Variants in ETFBKMT observed in about 807,000 individuals in gnomAD.
The protein encoded by ETFBKMT is electron transfer flavoprotein beta subunit lysine methyltransferase.
ETFBKMT carries 13 observed loss-of-function variants against 18.3 expected under a neutral mutation model. That is an observed-to-expected ratio of 0.71 (90% confidence interval 0.46 to 1.13). The LOEUF (loss-of-function observed/expected upper bound fraction) is 1.13. Ranked by LOEUF, ETFBKMT falls within the 50% of genes most tolerant of loss-of-function variation. The pLI is 0.00. For missense variants in ETFBKMT, 293 were observed against 306.2 expected, an observed-to-expected ratio of 0.96 and a Z score of 0.32; for synonymous variants, 84 against 107.9, an observed-to-expected ratio of 0.78 and a Z score of 1.37.
At chr12:31,656,591 C>A (rs1032062436), upstream of ETFBKMT, among the ~76,000 whole-genome samples, 7 of 152,154 alleles carry the variant, frequency 4.6e-5, no homozygotes, top group Non-Finnish European at 7.4e-5. Context: ...AACCATCTTG[C>A]CCTTAGATTG....
upstream of ETFBKMT, among the ~76,000 whole-genome samples, chr12:31,657,915 A>ATTT (rs1951076212): frequency 6.6e-6 from 1 of 152,162 alleles, no homozygotes; most frequent in Admixed American, 6.5e-5. Flanking sequence ...GGATAGAAAG[A>ATTT]ACTGGACCAG....
upstream of ETFBKMT, among the ~76,000 whole-genome samples, chr12:31,655,999 T>A (rs1303618369): frequency 6.6e-6 from 1 of 152,226 alleles, no homozygotes; most frequent in Non-Finnish European, 1.5e-5. Flanking sequence ...TAAAAGTAAA[T>A]TTTTTAAATG....
rs369302814 is a variant in ETFBKMT, at chr12:31,649,219, ATGC to A, written c.-114+1967_-114+1969del. The stretch of plus-strand genomic sequence containing the variant: ...AATGACAAGAAAAAAAAGTCTATAC[ATGC>A]TGTTCAGTACAGATACAAATTTTTT... On this transcript the variant is annotated intron_variant, in intron 1 of 3. Coordinates refer to the ETFBKMT transcript ENST00000412352. Among the ~76,000 whole-genome samples, 102 of 152,360 alleles carry A rather than the reference ATGC, an allele frequency of 6.7e-4. 3 individuals carry two copies. In the East Asian group the frequency reaches 0.012, roughly 18 times the overall value.
At chr12:31,665,956 A>G (rs1951188695) in intron 2 of ETFBKMT, 131 bp from the exon 3 acceptor site, 1 of 680,030 alleles carries the variant, frequency 1.5e-6, no homozygotes, top group Non-Finnish European at 2.4e-6. Context: ...CATCATGAAC[A>G]TGTCACAGTG....
rs1236090048 is a variant in ETFBKMT, at chr12:31,662,255, A to C, written c.302A>C (p.Gln101Pro). Residue 101 changes from glutamine (Q) to proline (P), a missense_variant, in exon 2 of 4, where the codon CAA (glutamine) becomes CCA (proline). Gln to Pro is a moderately conservative substitution (Grantham distance 76). Coordinates refer to ENST00000357721, the MANE Select transcript of ETFBKMT (RefSeq NM_001135863.2). ...TGGGCAATCTACTGGCCAGGAGGCC[A>C]AGCCCTGTCTAGGTACTACCCTAAT... ...PYWAIYWPGG[Q>P]ALSRYLLDNP... is the part of the protein sequence containing the mutation. 4 of 1,614,086 alleles carry C rather than the reference A, an allele frequency of 2.5e-6. No homozygotes were observed. The East Asian group carries it at 8.9e-5, about 36-fold the overall frequency.
intron 1 of ETFBKMT, among the ~76,000 whole-genome samples, chr12:31,648,928 C>T (rs1196145194): frequency 6.6e-6 from 1 of 151,676 alleles, no homozygotes; most frequent in African/African-American, 2.4e-5. Context: ...CCGCCTGCCT[C>T]AGCCTCCCAA....
chr12:31,667,615 C>A (rs751556734), intron 3 of ETFBKMT, 32 bp from the exon 4 acceptor site: 6 of 1,416,804 alleles, frequency 4.2e-6, no homozygotes, highest in Non-Finnish European at 5.9e-6. Flanking sequence ...CTAGCATATA[C>A]CAATTCATTT....
rs1488670889 is a variant in ETFBKMT at position 31,670,266 on chromosome 12, A to G, written c.*2276A>G. On this transcript the variant is annotated 3_prime_UTR_variant, in exon 4 of 4. Coordinates refer to ENST00000357721, the MANE Select transcript of ETFBKMT (RefSeq NM_001135863.2). ...AACAGGCTTCTGCTCCCTGTAAGCT[A>G]TGGTTCTTTGTATTTGCGTTTCTAA... 1 of 152,142 alleles carries G rather than the reference A, an allele frequency of 6.6e-6. No homozygotes were observed. The highest frequency in any genetic ancestry group is 1.5e-5 in the Non-Finnish European group (1 of 68,038). The allele number at this position is 152,142 out of a possible 1,614,324, so 9.4% of individuals were successfully genotyped here.
At chr12:31,654,627 G>A (rs548993412), upstream of ETFBKMT, among the ~76,000 whole-genome samples, 2 of 152,208 alleles carry the variant, frequency 1.3e-5, no homozygotes, top group Admixed American at 6.5e-5. Context: ...AGGAAACATG[G>A]ATGAATAAAA....
chr12:31,666,148 T>C lies in ETFBKMT; in HGVS notation c.376T>C (p.Cys126Arg), dbSNP rs1263223602. 1.9e-6 allele frequency: 3 copies of C among 1,613,898 alleles called. No homozygotes were observed. The highest frequency in any genetic ancestry group is 2.5e-6 in the Non-Finnish European group (3 of 1,179,902). ...GKSVLDLGSG[C>R]GATAIAAKMS... ...ATCTGTATTAGATCTTGGGAGTGGA[T>C]GTGGAGCTACAGCTATTGCTGCTAA... is the stretch of plus-strand genomic sequence containing the variant. The change falls in exon 3 of 4, where the codon TGT (cysteine) becomes CGT (arginine). Residue 126 changes from cysteine to arginine, a missense_variant. Transcript: ENST00000357721.
intron 1 of ETFBKMT, among the ~76,000 whole-genome samples, chr12:31,652,417 CT>C (rs1244820110): frequency 5.3e-5 from 8 of 152,166 alleles, no homozygotes; most frequent in African/African-American, 1.9e-4. Context: ...TTTACTGCCC[CT>C]AGTCCAAATC....
rs1951240581 is a variant in ETFBKMT, at chr12:31,669,607, TA to T, written c.*1618del. 1 of 152,244 alleles carries T rather than the reference TA, an allele frequency of 6.6e-6. No individual in the cohort carries two copies. Among genetic ancestry groups the T allele is most frequent in the East Asian group, 1.9e-4 (1 of 5,202 alleles). The allele number at this position is 152,244 out of a possible 1,614,324, so 9.4% of individuals were successfully genotyped here. Reference sequence around the variant, plus strand: ...TCTGATCCTCACCCTGAGAACCTGGTAGGTATCCTGGAGGTAAAACTATGAA... The same window carrying T: ...TCTGATCCTCACCCTGAGAACCTGGTGGTATCCTGGAGGTAAAACTATGAA... On this transcript the variant is annotated 3_prime_UTR_variant, in exon 4 of 4. Coordinates refer to ENST00000357721, the MANE Select transcript of ETFBKMT (RefSeq NM_001135863.2).
At chr12:31,652,652 A>T (rs1951027504) in intron 1 of ETFBKMT, among the ~76,000 whole-genome samples, 1 of 152,144 alleles carries the variant, frequency 6.6e-6, no homozygotes, top group Non-Finnish European at 1.5e-5. Context: ...GTAGAGGAGA[A>T]TTTATCCTCC....
At chr12:31,663,653 GCAAA>G (rs1281133402) in intron 2 of ETFBKMT, among the ~76,000 whole-genome samples, 5 of 152,252 alleles carry the variant, frequency 3.3e-5, no homozygotes, top group African/African-American at 9.6e-5. Flanking sequence ...TAGCAAGGCA[GCAAA>G]CAGTTTGTTA....
At chr12:31,659,348 T>A (rs542122987), upstream of ETFBKMT, 1 of 152,354 alleles carries the variant, frequency 6.6e-6, no homozygotes, top group South Asian at 2.1e-4. Flanking sequence ...CCGAGGGCGG[T>A]GTCAGCAAAG....
chr12:31,658,464 T>C (rs2139615756), upstream of ETFBKMT, among the ~76,000 whole-genome samples: 1 of 152,316 alleles, frequency 6.6e-6, no homozygotes, highest in Middle Eastern at 3.4e-3. Context: ...CATCTGGGGC[T>C]GTTGACTGGA....
At chr12:31,652,794 C>A (rs193199344) in intron 1 of ETFBKMT, among the ~76,000 whole-genome samples, 35 of 152,060 alleles carry the variant, frequency 2.3e-4, no homozygotes, top group African/African-American at 8.2e-4. Flanking sequence ...GGAGTGTGCA[C>A]GTGTGTGTGA....
At chr12:31,667,397 A>T (rs1951213163) in intron 3 of ETFBKMT, among the ~76,000 whole-genome samples, 1 of 152,220 alleles carries the variant, frequency 6.6e-6, no homozygotes, top group Non-Finnish European at 1.5e-5. Context: ...GAAATCAGCA[A>T]ATATTCCTAA....
intron 1 of ETFBKMT, among the ~76,000 whole-genome samples, chr12:31,649,790 A>C (rs868561450): frequency 6.9e-6 from 1 of 144,672 alleles, no homozygotes; most frequent in Non-Finnish European, 1.5e-5. Context: ...TTGAGACAGA[A>C]TCTCTCTCCG....
Sources: allele counts gnomAD v4.1 joint callset (sites outside exome capture counted in the v4.1 genomes callset), GRCh38; gene constraint gnomAD v4.1.1; transcripts MANE v1.5; gene names NCBI Gene and HGNC (gene_info 2026-07-23, HGNC 2026-07-21).